The following FARP2 variants were observed in gnomAD, a reference collection of about 807,000 sequenced individuals.
FARP2 encodes the protein FERM, ARH/RhoGEF and pleckstrin domain protein 2, also known as FERM, ARHGEF and pleckstrin domain-containing protein 2.
In FARP2, 111 loss-of-function variants were observed where a neutral mutation model predicts 130.5. The observed-to-expected ratio is 0.85, with a 90% CI of 0.73 to 1.00. FARP2 has a LOEUF of 1.00. FARP2 is among the 50% of genes least tolerant of loss of function. FARP2 has a pLI of 0.00. For missense variants in FARP2, 1,385 were observed against 1,346.3 expected (o/e 1.03, Z -0.45); for synonymous variants, 504 against 516.9 (o/e 0.98, Z 0.34).
intron 13 of FARP2, among the ~76,000 whole-genome samples, chr2:241,452,289 T>C (rs2063680912): frequency 6.6e-6 from 1 of 152,206 alleles, no homozygotes; most frequent in Non-Finnish European, 1.5e-5. Context: ...CAGCTAAACC[T>C]GTTCCCCAGG....
At chr2:241,423,725 G>A (rs995256972) in intron 8 of FARP2, among the ~76,000 whole-genome samples, 2 of 152,086 alleles carry the variant, frequency 1.3e-5, no homozygotes, top group African/African-American at 2.4e-5. Context: ...CCTGTCTCAC[G>A]TGCAAAGACA....
chr2:241,409,740 AT>A (rs767985268), intron 5 of FARP2, among the ~76,000 whole-genome samples: 7 of 152,180 alleles, frequency 4.6e-5, no homozygotes, highest in African/African-American at 9.7e-5. Context: ...CTGTAGGTTG[AT>A]TTTTCCCCCC....
intron 8 of FARP2, among the ~76,000 whole-genome samples, chr2:241,431,222 T>C (rs1040703733): frequency 2.6e-5 from 4 of 152,158 alleles, no homozygotes; most frequent in African/African-American, 4.8e-5. Flanking sequence ...TCCATCTCTT[T>C]GAACCTTTCA....
At chr2:241,470,911 C>A (rs1332886192) in intron 18 of FARP2, among the ~76,000 whole-genome samples, 1 of 150,724 alleles carries the variant, frequency 6.6e-6, no homozygotes, top group Non-Finnish European at 1.5e-5. Flanking sequence ...TTTGAGGAGA[C>A]CCTATTCAGA....
At chr2:241,478,519 G>C (rs1474340680) in intron 19 of FARP2, 2 of 380,122 alleles carry the variant, frequency 5.3e-6, no homozygotes, top group Admixed American at 6.1e-5. Context: ...TGTACTCCTT[G>C]TATCAGGCTA....
At chr2:241,408,834 C>A (rs938297359) in intron 5 of FARP2, among the ~76,000 whole-genome samples, 2 of 152,072 alleles carry the variant, frequency 1.3e-5, no homozygotes, top group African/African-American at 4.8e-5. Flanking sequence ...AACACAAAAT[C>A]GTAGAATGTC....
chr2:241,411,688 G>A (rs1197769840), intron 6 of FARP2, among the ~76,000 whole-genome samples: 1 of 152,220 alleles, frequency 6.6e-6, no homozygotes, highest in Non-Finnish European at 1.5e-5. Context: ...TAGAAAAACA[G>A]AAATACCCAC....
At chr2:241,406,870 C>T (rs1375071527) in intron 4 of FARP2, among the ~76,000 whole-genome samples, 1 of 152,112 alleles carries the variant, frequency 6.6e-6, no homozygotes. Context: ...TGCAGTGGCA[C>T]GATCGCGGCT....
At chr2:241,422,358 G>A (rs552899581) in intron 8 of FARP2, among the ~76,000 whole-genome samples, 6 of 147,024 alleles carry the variant, frequency 4.1e-5, no homozygotes, top group South Asian at 2.2e-4. Context: ...AGCCAAGATC[G>A]TGCCACTGCA....
intron 1 of FARP2, among the ~76,000 whole-genome samples, chr2:241,363,434 G>A (rs930252596): frequency 1.3e-5 from 2 of 152,236 alleles, no homozygotes; most frequent in African/African-American, 4.8e-5. Flanking sequence ...AAAGCCGTAG[G>A]TTTCTGGTTG....
chr2:241,405,941 A>G (rs1250604883), intron 4 of FARP2, among the ~76,000 whole-genome samples: 1 of 150,536 alleles, frequency 6.6e-6, no homozygotes, highest in Non-Finnish European at 1.5e-5. Flanking sequence ...CTGAGAAAAA[A>G]AAAGTAGATG....
Position 241,418,092 on chromosome 2 carries a change from G to T in FARP2, c.754G>T (p.Gly252Cys). The T allele has an allele frequency of 6.2e-7, 1 of 1,614,150 alleles. No individual in the cohort carries two copies. The highest frequency in any genetic ancestry group is 8.5e-7 in the Non-Finnish European group (1 of 1,180,026). ...GATTCAACTGGCAGTTTCCCACATG[G>T]GTGTACTCGTGTTCCAGGTAGGCCA... is the stretch of plus-strand genomic sequence containing the variant. ...TKIQLAVSHMGVLVFQGTTKI... is the reference protein window; with the variant it reads ...TKIQLAVSHMCVLVFQGTTKI... Residue 252 changes from glycine to cysteine, a missense_variant, in exon 8 of 27, where the codon GGT becomes TGT. By Grantham distance (159) the Gly-to-Cys change is radical (BLOSUM62 -3). Coordinates refer to ENST00000264042, the MANE Select transcript of FARP2 (RefSeq NM_014808.4).
intron 2 of FARP2, among the ~76,000 whole-genome samples, chr2:241,391,285 A>G (rs1219813571): frequency 6.6e-6 from 1 of 152,238 alleles, no homozygotes; most frequent in Non-Finnish European, 1.5e-5. Context: ...CAAGCCAGTT[A>G]GTAGCAGGTT....
rs1385962141 is a variant in FARP2, at chr2:241,491,070, GGAGA to G, written c.2515_2518del (p.Glu839LysfsTer8). On this transcript the variant is annotated frameshift_variant, in exon 23 of 27. Transcript: ENST00000264042. LOFTEE classifies it high-confidence loss of function. Reference sequence around the variant, plus strand: ...GCCCTTCTCCCTGCAGCACTCGGCTGGAGAAAGAGAAGTGGATGCTGGACCTGAA... The same window carrying G: ...GCCCTTCTCCCTGCAGCACTCGGCTGAAGAGAAGTGGATGCTGGACCTGAA... The G allele has an allele frequency of 1.2e-6, 2 of 1,613,022 alleles. No homozygotes were observed. Among genetic ancestry groups the G allele is most frequent in the African/African-American group, 2.7e-5 (2 of 74,908 alleles).
chr2:241,406,044 C>G (rs2062330966), intron 4 of FARP2, among the ~76,000 whole-genome samples: 1 of 152,094 alleles, frequency 6.6e-6, no homozygotes, highest in Non-Finnish European at 1.5e-5. Context: ...TGGCTCACGC[C>G]TGTAATCCCA....
Position 241,482,635 on chromosome 2 carries a change from CT to C in FARP2, c.2263-829del, listed in dbSNP as rs990372741. Reference sequence around the variant, plus strand: ...TTTCTGTTTGGGCTGGTTTTTCATCCTGCGTTTCTGTGAGGATTATCTGTGT... The same window carrying C: ...TTTCTGTTTGGGCTGGTTTTTCATCCGCGTTTCTGTGAGGATTATCTGTGT... On this transcript the variant is annotated intron_variant, in intron 19 of 26. Coordinates refer to ENST00000264042, the MANE Select transcript of FARP2 (RefSeq NM_014808.4). The surrounding 1 kb of genome is among the most constrained non-coding windows in gnomAD (Gnocchi z 4.6). 3.9e-5 allele frequency among the ~76,000 whole-genome samples: 6 copies of C among 152,264 alleles called. No homozygotes were observed. The highest frequency in any genetic ancestry group is 1.4e-4 in the African/African-American group (6 of 41,558).
At chr2:241,390,721 G>C (rs1027240371) in intron 2 of FARP2, among the ~76,000 whole-genome samples, 1 of 151,616 alleles carries the variant, frequency 6.6e-6, no homozygotes, top group Admixed American at 6.6e-5. Context: ...TTATACAAAG[G>C]CAATAGTTGT....
intron 5 of FARP2, among the ~76,000 whole-genome samples, chr2:241,408,141 G>A (rs1400524741): frequency 1.3e-5 from 2 of 152,116 alleles, no homozygotes; most frequent in African/African-American, 4.8e-5. Flanking sequence ...AGGCCAAGGC[G>A]GGCAGATCAC....
At chr2:241,456,721 C>G (rs1347593236) in intron 13 of FARP2, 26 bp from the exon 14 acceptor site, 8 of 1,613,396 alleles carry the variant, frequency 5.0e-6, no homozygotes, top group Non-Finnish European at 3.4e-6. Flanking sequence ...ATTTCTCGCT[C>G]CATCCCCCTC....
Sources: allele counts gnomAD v4.1 joint callset (sites outside exome capture counted in the v4.1 genomes callset), GRCh38; gene constraint gnomAD v4.1.1; non-coding constraint Gnocchi (gnomAD v3.1); transcripts MANE v1.5; gene names NCBI Gene and HGNC (gene_info 2026-07-23, HGNC 2026-07-21).